LRBA: variants seen among roughly 807,000 people sequenced by gnomAD.
LRBA encodes the protein LPS responsive beige-like anchor protein, also known as lipopolysaccharide-responsive and beige-like anchor protein.
A neutral mutation model predicts 330.0 loss-of-function variants in LRBA; 176 were observed. The ratio of observed to expected loss-of-function variants is 0.53; its 90% CI spans 0.47 to 0.60. The LOEUF is 0.60. LRBA is among the 20% of genes least tolerant of loss of function. LRBA has a pLI of 0.00. For synonymous variants in LRBA, 1,230 were observed against 1,193.0 expected, an observed-to-expected ratio of 1.03 and a Z score of -0.64; for missense variants, 3,259 against 3,444.8, an observed-to-expected ratio of 0.95 and a Z score of 1.35.
chr4:150,376,000 C>T (rs1338987525), intron 47 of LRBA, among the ~76,000 whole-genome samples: 1 of 152,110 alleles, frequency 6.6e-6, no homozygotes. Context: ...TCAAAGGTTG[C>T]ATATTTAAGT....
chr4:150,983,073 C>T (rs1741037506), intron 2 of LRBA, among the ~76,000 whole-genome samples: 2 of 151,844 alleles, frequency 1.3e-5, no homozygotes, highest in African/African-American at 4.8e-5. Flanking sequence ...GAGCAAGACC[C>T]TGTCTCAAAG....
intron 4 of LRBA, among the ~76,000 whole-genome samples, chr4:150,922,143 G>A (rs1192825865): frequency 6.6e-6 from 1 of 151,974 alleles, no homozygotes; most frequent in Non-Finnish European, 1.5e-5. Context: ...TTACAGGCAT[G>A]AGCCACCACA....
chr4:150,287,991 AT>A lies in LRBA; in HGVS notation c.8018-1958del, dbSNP rs1318054945. On this transcript the variant is annotated intron_variant, in intron 53 of 56. Transcript: ENST00000651943. ...CTTAAGCTTCTGTTAGGATCCACAA[AT>A]TTTTTTTTTTTTTTTCTGAGACGGA... is the stretch of plus-strand genomic sequence containing the variant. 1.9e-3 allele frequency among the ~76,000 whole-genome samples: 282 copies of A among 144,680 alleles called. 1 individual carries two copies. The highest frequency in any genetic ancestry group is 7.2e-3 in the Middle Eastern group (2 of 278). The allele number at this position is 144,680 out of a possible 152,430, so 94.9% of individuals were successfully genotyped here.
chr4:150,828,306 A>G lies in LRBA; in HGVS notation c.5045T>C (p.Leu1682Pro). The change falls in exon 30 of 57, where the codon CTC (leucine) becomes CCC (proline). Residue 1682 changes from leucine to proline, a missense_variant. Coordinates refer to ENST00000651943, the MANE Select transcript of LRBA (RefSeq NM_001364905.1). Reference sequence around the variant, plus strand: ...TGCTGGTATGTTAACCAAGCTTCGGAGAATGTCTTTCACATTGACGTTTTT... The same window carrying G: ...TGCTGGTATGTTAACCAAGCTTCGGGGAATGTCTTTCACATTGACGTTTTT... ...VSKNVNVKDI[L>P]RSLVNIPADG... 2 of 1,614,138 alleles carry G rather than the reference A, an allele frequency of 1.2e-6. No individual in the cohort carries two copies. The highest frequency in any genetic ancestry group is 1.7e-6 in the Non-Finnish European group (2 of 1,180,002).
chr4:150,780,218 T>C (rs1015760464), intron 34 of LRBA, among the ~76,000 whole-genome samples: 2 of 152,178 alleles, frequency 1.3e-5, no homozygotes, highest in African/African-American at 4.8e-5. Flanking sequence ...GAGATTTTAA[T>C]TTCAGTGCTC....
At chr4:150,325,660 T>G (rs1439998433) in intron 49 of LRBA, 149 bp downstream of exon 49, 2 of 616,848 alleles carry the variant, frequency 3.2e-6, no homozygotes, top group Non-Finnish European at 2.9e-6. Context: ...TGCAATAACA[T>G]CTGCTGGTTG....
At chr4:150,777,328 C>A (rs1420719646) in intron 34 of LRBA, among the ~76,000 whole-genome samples, 1 of 151,716 alleles carries the variant, frequency 6.6e-6, no homozygotes, top group African/African-American at 2.4e-5. Context: ...GTAATACTAC[C>A]CTTTTTTATA....
rs1349786995 is a variant in LRBA at position 150,265,501 on chromosome 4, A to G, written c.*221T>C. The stretch of plus-strand genomic sequence containing the variant: ...GACTTCTCATTATGACTAAAAATAT[A>G]GATTTTTTAAAACTACAGAACCCAG... On this transcript the variant is annotated 3_prime_UTR_variant, in exon 57 of 57. Transcript: ENST00000651943. The G allele has an allele frequency of 1.2e-5, 5 of 415,934 alleles. No homozygotes were observed. In the South Asian group the frequency reaches 1.3e-4, roughly 11 times the overall value. The allele number at this position is 415,934 out of a possible 1,614,324, so 25.8% of individuals were successfully genotyped here.
chr4:150,476,723 A>C (rs1196199552), intron 42 of LRBA, among the ~76,000 whole-genome samples: 1 of 152,242 alleles, frequency 6.6e-6, no homozygotes, highest in Non-Finnish European at 1.5e-5. Context: ...CAAAACTTGC[A>C]GTGAAACAGA....
At chr4:150,598,113 C>T (rs1256482300) in intron 38 of LRBA, among the ~76,000 whole-genome samples, 1 of 152,066 alleles carries the variant, frequency 6.6e-6, no homozygotes, top group East Asian at 1.9e-4. Context: ...TTGTATGCTA[C>T]ATATTTCCAT....
chr4:150,893,233 C>A, intron 16 of LRBA, 84 bp from the exon 17 acceptor site: 1 of 699,114 alleles, frequency 1.4e-6, no homozygotes, highest in Non-Finnish European at 2.5e-6. Context: ...ATAGAAATTT[C>A]AACATTAGAA....
chr4:150,543,952 C>A (rs557936583), intron 40 of LRBA, among the ~76,000 whole-genome samples: 2 of 152,124 alleles, frequency 1.3e-5, no homozygotes, highest in South Asian at 4.2e-4. Context: ...ATACAAACAT[C>A]CCCAAATTAA....
chr4:150,587,008 C>T (rs1391059817), intron 40 of LRBA, among the ~76,000 whole-genome samples: 2 of 152,100 alleles, frequency 1.3e-5, no homozygotes, highest in Non-Finnish European at 2.9e-5. Flanking sequence ...GTTTTCTCTA[C>T]ATTGGATTAG....
intron 50 of LRBA, among the ~76,000 whole-genome samples, chr4:150,317,978 T>C (rs1454927775): frequency 6.6e-6 from 1 of 152,148 alleles, no homozygotes; most frequent in African/African-American, 2.4e-5. Flanking sequence ...TTAATACACA[T>C]AAAATGATTA....
chr4:150,675,069 T>A (rs558453329), intron 37 of LRBA, among the ~76,000 whole-genome samples: 4 of 151,078 alleles, frequency 2.6e-5, no homozygotes, highest in African/African-American at 9.7e-5. Context: ...AAAAAAAAAA[T>A]AGCCAGATGT....
intron 36 of LRBA, among the ~76,000 whole-genome samples, chr4:150,720,210 T>C (rs1473339011): frequency 6.6e-6 from 1 of 152,088 alleles, no homozygotes; most frequent in Non-Finnish European, 1.5e-5. Context: ...AAAAGTATGG[T>C]AGTTATACAA....
intron 40 of LRBA, among the ~76,000 whole-genome samples, chr4:150,528,727 T>A (rs1350810497): frequency 1.3e-5 from 2 of 152,110 alleles, no homozygotes; most frequent in African/African-American, 4.8e-5. Flanking sequence ...GTAGATAATA[T>A]CTTACTTTGT....
At chr4:150,851,717 C>T (rs1252692946) in intron 23 of LRBA, among the ~76,000 whole-genome samples, 168 bp downstream of exon 23, 1 of 152,272 alleles carries the variant, frequency 6.6e-6, no homozygotes, top group East Asian at 1.9e-4. Context: ...ACATTAACTG[C>T]CAAACACTGT....
chr4:150,633,346 T>G (rs1374728202), intron 37 of LRBA, among the ~76,000 whole-genome samples: 1 of 152,360 alleles, frequency 6.6e-6, no homozygotes, highest in African/African-American at 2.4e-5. Context: ...GTGCTAAATA[T>G]TGTAATAATG....
Sources: gnomAD v4.1 joint callset for allele counts (sites outside exome capture counted in the v4.1 genomes callset) on GRCh38, gnomAD v4.1.1 for gene constraint, MANE v1.5 for transcripts, NCBI Gene and HGNC (gene_info 2026-07-23, HGNC 2026-07-21) for gene names.